SLCO3A1: variants seen among roughly 807,000 people sequenced by gnomAD.
The protein encoded by SLCO3A1 is solute carrier organic anion transporter family member 3A1, also known as PGE1 transporter.
A neutral mutation model predicts 63.1 loss-of-function variants in SLCO3A1; 27 were observed. The observed-to-expected ratio is 0.43, with a 90% CI of 0.32 to 0.59. The LOEUF (loss-of-function observed/expected upper bound fraction) is 0.59. Ranked by LOEUF, SLCO3A1 falls within the 20% of genes least tolerant of loss-of-function variation. The pLI is 0.09. For missense variants in SLCO3A1, 773 were observed against 945.8 expected (o/e 0.82, Z 2.40); for synonymous variants, 473 against 409.9 (o/e 1.15, Z -1.86).
At chr15:91,864,689 G>A (rs954365735) in intron 1 of SLCO3A1, among the ~76,000 whole-genome samples, 7 of 152,052 alleles carry the variant, frequency 4.6e-5, no homozygotes, top group Non-Finnish European at 7.4e-5. Context: ...AGGGCTTGTG[G>A]CACCCAAGGC....
chr15:92,107,074 T>C (rs748031221), intron 4 of SLCO3A1, among the ~76,000 whole-genome samples: 1 of 152,154 alleles, frequency 6.6e-6, no homozygotes, highest in Non-Finnish European at 1.5e-5. Flanking sequence ...AAGCACTGGA[T>C]GAGCTGCCGT....
At position 91,910,905 on chromosome 15, in the gene SLCO3A1, G is replaced by C. The variant is rs140890608; in HGVS notation, c.181-5088G>C. Reference sequence around the variant, plus strand: ...GGCCAAGGCCCCGCCACCCAGACCAGAGTGAGAAGATGGACACACCTCTGG... The same window carrying C: ...GGCCAAGGCCCCGCCACCCAGACCACAGTGAGAAGATGGACACACCTCTGG... On this transcript the variant is annotated intron_variant, in intron 1 of 9. Coordinates refer to ENST00000318445, the MANE Select transcript of SLCO3A1 (RefSeq NM_013272.4). Among the ~76,000 whole-genome samples, 665 of 152,336 alleles carry C rather than the reference G, an allele frequency of 4.4e-3. 5 individuals are homozygous for C. Among genetic ancestry groups the C allele is most frequent in the African/African-American group, 0.015 (634 of 41,570 alleles).
At chr15:91,926,596 T>TGTGTGTGTGTGTGTGTGCGCGCGCGC in intron 2 of SLCO3A1, among the ~76,000 whole-genome samples, 7 of 105,250 alleles carry the variant, frequency 6.7e-5, no homozygotes, top group African/African-American at 2.2e-4. Flanking sequence ...TGTGTGTGTG[T>TGTGTGTGTGTGTGTGTGCGCGCGCGC]GCGCGCGCGC....
intron 1 of SLCO3A1, among the ~76,000 whole-genome samples, chr15:91,910,364 TC>T (rs1898445814): frequency 6.6e-6 from 1 of 152,206 alleles, no homozygotes; most frequent in African/African-American, 2.4e-5. Context: ...CTTTCTGCTG[TC>T]CCCAGACTGT....
At chr15:91,991,479 G>C (rs1478292050) in intron 2 of SLCO3A1, among the ~76,000 whole-genome samples, 1 of 152,230 alleles carries the variant, frequency 6.6e-6, no homozygotes, top group Non-Finnish European at 1.5e-5. Flanking sequence ...GTGGGCCTCA[G>C]CTGCCAGTGT....
chr15:91,981,627 T>A (rs951195814), intron 2 of SLCO3A1, among the ~76,000 whole-genome samples: 1 of 152,046 alleles, frequency 6.6e-6, no homozygotes, highest in South Asian at 2.1e-4. Flanking sequence ...TCGGAAAAAA[T>A]TTCACAAACT....
In SLCO3A1 at chr15:92,033,511, A is replaced by G. The variant is rs1412633947; in HGVS notation, c.647-61370A>G. ...CCGAGACGGTGGGCAAAGGAGAACG[A>G]GGGAGGAGCAGAGGGTGACTTCCAG... On this transcript the variant is annotated intron_variant, in intron 2 of 9. Coordinates refer to ENST00000318445, the MANE Select transcript of SLCO3A1 (RefSeq NM_013272.4). The surrounding 1 kb of genome is among the most constrained non-coding windows in gnomAD (Gnocchi z 4.5). Among the ~76,000 whole-genome samples the G allele has an allele frequency of 2.0e-5, 3 of 152,178 alleles. No homozygotes were observed. Among genetic ancestry groups the G allele is most frequent in the Admixed American group, 6.5e-5 (1 of 15,280 alleles).
intron 2 of SLCO3A1, among the ~76,000 whole-genome samples, chr15:92,093,870 G>A (rs1037186617): frequency 1.3e-5 from 2 of 152,064 alleles, no homozygotes; most frequent in Admixed American, 6.5e-5. Context: ...CCCAGCAAGT[G>A]ACATTCATCT....
intron 2 of SLCO3A1, among the ~76,000 whole-genome samples, chr15:92,019,282 G>A (rs960019900): frequency 1.3e-5 from 2 of 152,180 alleles, no homozygotes; most frequent in African/African-American, 4.8e-5. Flanking sequence ...GATTATGTTT[G>A]ATGTGTTTCT....
chr15:92,084,208 T>C (rs2047379298), intron 2 of SLCO3A1, among the ~76,000 whole-genome samples: 1 of 152,116 alleles, frequency 6.6e-6, no homozygotes, highest in African/African-American at 2.4e-5. Flanking sequence ...TGATCCTGTA[T>C]TTTCCACATT....
chr15:92,144,467 T>G (rs1482483910), intron 7 of SLCO3A1, among the ~76,000 whole-genome samples: 1 of 152,222 alleles, frequency 6.6e-6, no homozygotes, highest in Non-Finnish European at 1.5e-5. Flanking sequence ...CTCTAGGGAT[T>G]CAGTCATTCC....
At position 92,101,495 on chromosome 15, in the gene SLCO3A1, C is replaced by T. The variant is rs139786336; in HGVS notation, c.746-2784C>T. 6.8e-3 allele frequency among the ~76,000 whole-genome samples: 1,031 copies of T among 151,828 alleles called. 13 individuals carry two copies. The highest frequency in any genetic ancestry group is 0.023 in the African/African-American group (971 of 41,364). ...CTGCACTCCAGCCTGGCCGACAGAGCGAGATCCACCTCAAAAGAAAAAAAA... is the reference window on the plus strand; with the variant it reads ...CTGCACTCCAGCCTGGCCGACAGAGTGAGATCCACCTCAAAAGAAAAAAAA... On this transcript the variant is annotated intron_variant, in intron 3 of 9. Transcript: ENST00000318445.
At chr15:92,143,745 T>C (rs949608849) in intron 7 of SLCO3A1, among the ~76,000 whole-genome samples, 2 of 151,288 alleles carry the variant, frequency 1.3e-5, no homozygotes, top group African/African-American at 2.4e-5. Context: ...GGAAAGGAGT[T>C]TGGAGCTGGA....
chr15:92,077,348 A>AT (rs989756373), intron 2 of SLCO3A1, among the ~76,000 whole-genome samples: 69 of 152,074 alleles, frequency 4.5e-4, no homozygotes, highest in African/African-American at 1.3e-3. Context: ...GGAGATGGTC[A>AT]TTTTTTTGAC....
chr15:91,972,002 G>T (rs895021367), intron 2 of SLCO3A1, among the ~76,000 whole-genome samples: 1 of 152,012 alleles, frequency 6.6e-6, no homozygotes, highest in African/African-American at 2.4e-5. Flanking sequence ...TCCTTTGAGC[G>T]TCATGTTGGC....
In SLCO3A1 at chr15:91,856,458, C is replaced by G. The variant is rs941384875; in HGVS notation, c.180+2370C>G. 6.6e-6 allele frequency among the ~76,000 whole-genome samples: 1 copy of G among 152,140 alleles called. No homozygotes were observed. The highest frequency in any genetic ancestry group is 2.4e-5 in the African/African-American group (1 of 41,424). ...TGCTATGGGCTTTGCTCTTCTGGGC[C>G]ACTTCAGAGTTTTCTCTTCATCTGT... On this transcript the variant is annotated intron_variant, in intron 1 of 9. Coordinates refer to ENST00000318445, the MANE Select transcript of SLCO3A1 (RefSeq NM_013272.4). This position sits in a 1 kb window ranked among gnomAD's most constrained non-coding sequence, Gnocchi z 4.9.
chr15:92,010,571 G>T (rs1424270486), intron 2 of SLCO3A1, among the ~76,000 whole-genome samples: 1 of 152,144 alleles, frequency 6.6e-6, no homozygotes, highest in South Asian at 2.1e-4. Context: ...TTAGACTTCT[G>T]TGTAGGCATT....
rs1484405636 is a variant in SLCO3A1, at chr15:91,950,146, C to T, written c.646+33688C>T. Among the ~76,000 whole-genome samples the T allele has an allele frequency of 6.6e-6, 1 of 152,124 alleles. No homozygotes were observed. Among genetic ancestry groups the T allele is most frequent in the African/African-American group, 2.4e-5 (1 of 41,402 alleles). ...AGGAGAAAGGCAGATTGAAGCTGCC[C>T]CTGGGGAAGAAAGTTGTAACAGGCA... is the stretch of plus-strand genomic sequence containing the variant. On this transcript the variant is annotated intron_variant, in intron 2 of 9. Coordinates refer to ENST00000318445, the MANE Select transcript of SLCO3A1 (RefSeq NM_013272.4). This position sits in a 1 kb window ranked among gnomAD's most constrained non-coding sequence, Gnocchi z 4.4.
chr15:92,082,332 A>C (rs188862356), intron 2 of SLCO3A1, among the ~76,000 whole-genome samples: 42 of 152,324 alleles, frequency 2.8e-4, no homozygotes, highest in African/African-American at 9.4e-4. Flanking sequence ...GAGGAGACGA[A>C]GGCAAGTGGG....
Sources: gnomAD v4.1 joint callset for allele counts (sites outside exome capture counted in the v4.1 genomes callset) on GRCh38, gnomAD v4.1.1 for gene constraint, Gnocchi (gnomAD v3.1) non-coding constraint, MANE v1.5 for transcripts, NCBI Gene and HGNC (gene_info 2026-07-23, HGNC 2026-07-21) for gene names.